Variants in SSU72 observed in about 807,000 individuals in gnomAD.
SSU72 encodes SSU72 homolog, RNA polymerase II CTD phosphatase, also known as RNA polymerase II subunit A C-terminal domain phosphatase SSU72.
SSU72 carries 12 observed loss-of-function variants against 22.7 expected under a neutral mutation model. That is an observed-to-expected ratio of 0.53 (90% CI 0.34 to 0.86). The LOEUF (loss-of-function observed/expected upper bound fraction) is 0.86, where lower values mean the gene tolerates loss of function less well. Among genes scored for constraint, SSU72 ranks in the 40% least tolerant of loss-of-function variants. SSU72 has a pLI of 0.02. For missense variants in SSU72, 151 were observed against 249.8 expected (o/e 0.60, Z 2.67); for synonymous variants, 116 against 98.3 (o/e 1.18, Z -1.06).
chr1:1,550,348 T>A (rs949886751), intron 2 of SSU72, among the ~76,000 whole-genome samples: 1 of 152,200 alleles, frequency 6.6e-6, no homozygotes, highest in African/African-American at 2.4e-5. Context: ...AACGTGTTAT[T>A]CTGAATGTCT....
In SSU72 at chr1:1,542,140, C is replaced by A; in HGVS notation, c.511G>T (p.Glu171Ter). The change falls in exon 5 of 5, where the codon GAG becomes TAG. Residue 171 changes from glutamate to a stop codon, truncating the protein, a stop_gained. Coordinates refer to ENST00000291386, the MANE Select transcript of SSU72 (RefSeq NM_014188.3). LOFTEE classifies it high-confidence loss of function. The surrounding 1 kb of genome is among the most constrained non-coding windows in gnomAD (Gnocchi z 4.4). ...CIQHTEDMEN[E>*]IDELLQEFEE... is the part of the protein sequence containing the mutation. ...AACTCCTGCAGCAGCTCGTCGATCT[C>A]GTTCTCCATGTCTTCCGTGTGCTGG... is the stretch of plus-strand genomic sequence containing the variant. The A allele has an allele frequency of 6.3e-7, 1 of 1,592,164 alleles. No homozygotes were observed.
chr1:1,566,995 G>T (rs531895918), intron 1 of SSU72, among the ~76,000 whole-genome samples: 2 of 152,206 alleles, frequency 1.3e-5, no homozygotes, highest in Non-Finnish European at 2.9e-5. Context: ...AACTACCTGT[G>T]CCTTTCTCAC....
At chr1:1,543,176 C>A (rs755591232) in intron 4 of SSU72, among the ~76,000 whole-genome samples, 9 of 152,228 alleles carry the variant, frequency 5.9e-5, no homozygotes, top group Non-Finnish European at 1.0e-4. Context: ...GTGCCCCGGC[C>A]CCTCTGTGCA....
Position 1,541,999 on chromosome 1 carries a change from A to G in SSU72, c.*67T>C. On this transcript the variant is annotated 3_prime_UTR_variant, in exon 5 of 5. Transcript: ENST00000291386. ...CAGCAGAACACCTGTAAGTAAAAAC[A>G]AATGTCAGGAAGGAAAAAGTATGAA... 2 of 1,470,694 alleles carry G rather than the reference A, an allele frequency of 1.4e-6. No individual in the cohort carries two copies. Among genetic ancestry groups the G allele is most frequent in the Non-Finnish European group, 1.9e-6 (2 of 1,075,118 alleles). 91.1% of individuals were successfully genotyped at this position (1,470,694 alleles called of 1,614,324 possible).
intron 2 of SSU72, among the ~76,000 whole-genome samples, chr1:1,549,393 C>T (rs1407184913): frequency 6.6e-6 from 1 of 151,700 alleles, no homozygotes. Flanking sequence ...TGGTGGCAGG[C>T]GCCTGTAGTC....
chr1:1,544,076 G>A (rs999826061), intron 3 of SSU72, 89 bp from the exon 4 acceptor site: 7 of 984,632 alleles, frequency 7.1e-6, no homozygotes, highest in Admixed American at 1.9e-5. Flanking sequence ...TCTGCCGGCT[G>A]CAGGCCCAGC....
In SSU72 at chr1:1,574,507, G is replaced by A. The variant is rs775820733; in HGVS notation, c.51C>T (p.Asn17=). 25 of 1,595,178 alleles carry A rather than the reference G, an allele frequency of 1.6e-5. No homozygotes were observed. The Admixed American group carries it at 4.1e-4, about 26-fold the overall frequency. ...GGATGTTGTGCGCCTCCATGCTCCG[G>A]TTCTGGTTGCTCGAGCACACCACCG... ...RVAVVCSSNQ[N]RSMEAHNILS... is the part of the protein sequence containing the mutation. The change falls in exon 1 of 5, where the codon AAC becomes AAT. Residue 17 remains asparagine, a synonymous_variant. Transcript: ENST00000291386.
chr1:1,543,334 G>C (rs895902055), intron 4 of SSU72, among the ~76,000 whole-genome samples: 1 of 152,242 alleles, frequency 6.6e-6, no homozygotes, highest in Non-Finnish European at 1.5e-5. Flanking sequence ...TGCATGCTCT[G>C]CTCACTGAGG....
intron 2 of SSU72, among the ~76,000 whole-genome samples, chr1:1,560,328 T>G (rs544541975): frequency 2.6e-5 from 4 of 152,236 alleles, no homozygotes; most frequent in African/African-American, 9.6e-5. Context: ...GTGTTTTTTG[T>G]AGAGATAGAG....
chr1:1,547,670 C>T (rs943901348), intron 2 of SSU72, among the ~76,000 whole-genome samples: 1 of 152,320 alleles, frequency 6.6e-6, no homozygotes, highest in Non-Finnish European at 1.5e-5. Context: ...CAGAGCAAGG[C>T]GAGAGGACAG....
intron 2 of SSU72, among the ~76,000 whole-genome samples, chr1:1,552,547 G>GAGCC (rs1490058248): frequency 6.6e-6 from 1 of 150,408 alleles, no homozygotes; most frequent in African/African-American, 2.5e-5. Context: ...CCCCAGCTCA[G>GAGCC]AGCCTGAGCT....
intron 2 of SSU72, among the ~76,000 whole-genome samples, chr1:1,546,706 A>G (rs1570381429): frequency 6.6e-6 from 1 of 151,896 alleles, no homozygotes; most frequent in African/African-American, 2.4e-5. Flanking sequence ...GTGGGGCGGC[A>G]CACACCTGTA....
intron 2 of SSU72, among the ~76,000 whole-genome samples, chr1:1,560,035 T>TC (rs1642568535): frequency 6.6e-6 from 1 of 152,122 alleles, no homozygotes; most frequent in African/African-American, 2.4e-5. Context: ...TTTTGTACTT[T>TC]TAGTAGAGAC....
chr1:1,552,370 G>A (rs1484087688), intron 2 of SSU72, among the ~76,000 whole-genome samples: 5 of 152,218 alleles, frequency 3.3e-5, no homozygotes, highest in African/African-American at 4.8e-5. Flanking sequence ...CTTAGGGACC[G>A]GGAGGTGCTG....
Position 1,542,913 on chromosome 1 carries a change from A to AGC in SSU72, c.484-748_484-747dup, listed in dbSNP as rs3835462. On this transcript the variant is annotated intron_variant, in intron 4 of 4. Coordinates refer to ENST00000291386, the MANE Select transcript of SSU72 (RefSeq NM_014188.3). This position sits in a 1 kb window ranked among gnomAD's most constrained non-coding sequence, Gnocchi z 4.4. ...AAGCCATGCTGGGTGGGCCAGGCGG[A>AGC]GCGCAGGAGCCTCTGCGGCCACACA... 7.2e-5 allele frequency among the ~76,000 whole-genome samples: 11 copies of AGC among 152,298 alleles called. 1 individual carries two copies. The East Asian group carries it at 2.1e-3, about 29-fold the overall frequency.
intron 1 of SSU72, among the ~76,000 whole-genome samples, chr1:1,569,470 A>G (rs1418082072): frequency 1.3e-5 from 2 of 152,124 alleles, no homozygotes; most frequent in East Asian, 3.9e-4. Context: ...GTCCACGCTG[A>G]TTTTCAATAG....
At position 1,571,244 on chromosome 1, in the gene SSU72, C is replaced by CAAAAAAAAAAAA. The variant is rs753699933; in HGVS notation, c.80+3222_80+3233dup. Among the ~76,000 whole-genome samples the CAAAAAAAAAAAA allele has an allele frequency of 1.1e-4, 5 of 46,896 alleles. 1 individual carries two copies. The highest frequency in any genetic ancestry group is 7.7e-4 in the Admixed American group (3 of 3,874). The allele number at this position is 46,896 out of a possible 152,430, so 30.8% of individuals were successfully genotyped here. ...TGGGCGACAGAGTGAGACTCCATCT[C>CAAAAAAAAAAAA]AAAAAAAAAAAAAAAAAAAAAAAAA... is the stretch of plus-strand genomic sequence containing the variant. On this transcript the variant is annotated intron_variant, in intron 1 of 4. Transcript: ENST00000291386.
At chr1:1,564,228 C>T (rs910526115) in intron 2 of SSU72, 16 of 346,958 alleles carry the variant, frequency 4.6e-5, no homozygotes, top group African/African-American at 2.5e-4. Flanking sequence ...GGAGTCTTCG[C>T]GGCAGACCTA....
chr1:1,564,452 A>G (rs1180993531), intron 2 of SSU72: 2 of 1,466,752 alleles, frequency 1.4e-6, no homozygotes, highest in African/African-American at 2.8e-5. Context: ...TGCAGTGTGA[A>G]AAGCAATGGG....
Sources: allele counts gnomAD v4.1 joint callset (sites outside exome capture counted in the v4.1 genomes callset), GRCh38; gene constraint gnomAD v4.1.1; non-coding constraint Gnocchi (gnomAD v3.1); transcripts MANE v1.5; gene names NCBI Gene and HGNC (gene_info 2026-07-23, HGNC 2026-07-21).